OTOGL: variants seen among roughly 807,000 people sequenced by gnomAD.
OTOGL encodes otogelin like, also known as otogelin-like protein.
OTOGL carries 285 observed loss-of-function variants against 318.5 expected under a neutral mutation model. The observed-to-expected ratio is 0.89, with a 90% CI of 0.81 to 0.99. The LOEUF is 0.99. Among genes scored for constraint, OTOGL ranks in the 50% least tolerant of loss-of-function variants. OTOGL has a pLI of 0.00. For missense variants in OTOGL, 2,899 were observed against 2,845.6 expected (o/e 1.02, Z -0.43); for synonymous variants, 987 against 936.5 (o/e 1.05, Z -0.99).
intron 29 of OTOGL, among the ~76,000 whole-genome samples, chr12:80,308,143 G>C (rs1346197396): frequency 4.0e-5 from 6 of 149,042 alleles, no homozygotes; most frequent in East Asian, 2.0e-4. Context: ...CCGGGCGGGG[G>C]GCTGACACCC....
Position 80,256,480 on chromosome 12 carries a change from G to A in OTOGL, c.1711+20G>A. On this transcript the variant is annotated intron_variant, in intron 17 of 58. Coordinates refer to ENST00000547103, the MANE Select transcript of OTOGL (RefSeq NM_001378609.3). ...TGAATGGTAAGAAACAGTGCTAATGGTGTACTTTCTTTACATCAAACAAAC... is the reference window on the plus strand; with the variant it reads ...TGAATGGTAAGAAACAGTGCTAATGATGTACTTTCTTTACATCAAACAAAC... 6.5e-7 allele frequency: 1 copy of A among 1,546,582 alleles called. No individual in the cohort carries two copies. The highest frequency in any genetic ancestry group is 8.7e-7 in the Non-Finnish European group (1 of 1,155,402).
intron 1 of OTOGL, among the ~76,000 whole-genome samples, chr12:80,181,001 T>G (rs1874881523): frequency 6.6e-6 from 1 of 152,136 alleles, no homozygotes; most frequent in African/African-American, 2.4e-5. Context: ...GGCATATGGG[T>G]TTGACCTCTA....
intron 1 of OTOGL, among the ~76,000 whole-genome samples, chr12:80,114,674 G>A (rs1870052335): frequency 6.6e-6 from 1 of 151,992 alleles, no homozygotes; most frequent in South Asian, 2.1e-4. Context: ...TGCTAGGTTG[G>A]GGAAGTTCTC....
intron 44 of OTOGL, chr12:80,343,488 T>TGG: frequency 6.9e-6 from 1 of 145,022 alleles, no homozygotes; most frequent in Non-Finnish European, 1.5e-5. Context: ...ATTTTTTACA[T>TGG]TTTTATTATT....
rs532969765 is a variant in OTOGL, at chr12:80,136,909, G to A, written c.-20+37304G>A. On this transcript the variant is annotated intron_variant, in intron 1 of 58. Coordinates refer to ENST00000547103, the MANE Select transcript of OTOGL (RefSeq NM_001378609.3). ...CTATTAGAATGTAAACTCCACATGG[G>A]TAGAAGTTTTTATCTATTTTGTTTG... is the stretch of plus-strand genomic sequence containing the variant. 4.6e-5 allele frequency among the ~76,000 whole-genome samples: 7 copies of A among 151,898 alleles called. No homozygotes were observed. In the East Asian group the frequency reaches 1.4e-3, roughly 29 times the overall value.
Position 80,211,944 on chromosome 12 carries a change from TC to T in OTOGL, c.120-3del. On this transcript the variant is annotated splice_region_variant and splice_polypyrimidine_tract_variant and intron_variant, in intron 3 of 58. Coordinates refer to ENST00000547103, the MANE Select transcript of OTOGL (RefSeq NM_001378609.3). ...ACTGTACAAGTTCTTTTTGTTTTCTTCCAGAAACGGGTTTAATGAAAATCGA... is the reference window on the plus strand; with the variant it reads ...ACTGTACAAGTTCTTTTTGTTTTCTTCAGAAACGGGTTTAATGAAAATCGA... 6.4e-7 allele frequency: 1 copy of T among 1,562,430 alleles called. No homozygotes were observed. The highest frequency in any genetic ancestry group is 8.6e-7 in the Non-Finnish European group (1 of 1,160,132).
chr12:80,375,897 A>G (rs754402929), intron 57 of OTOGL, among the ~76,000 whole-genome samples: 5 of 152,094 alleles, frequency 3.3e-5, no homozygotes, highest in Non-Finnish European at 5.9e-5. Context: ...ACCATGAGCA[A>G]GAGGTTAGTG....
At chr12:80,355,560 T>C (rs1246502292) in intron 46 of OTOGL, among the ~76,000 whole-genome samples, 176 bp from the exon 47 acceptor site, 1 of 152,098 alleles carries the variant, frequency 6.6e-6, no homozygotes, top group South Asian at 2.1e-4. Flanking sequence ...AGTATAAACT[T>C]TCATTAAAGA....
intron 1 of OTOGL, among the ~76,000 whole-genome samples, chr12:80,176,451 G>A (rs1418378481): frequency 6.6e-6 from 1 of 151,940 alleles, no homozygotes; most frequent in Non-Finnish European, 1.5e-5. Flanking sequence ...TCTACTTTCT[G>A]TGTCTATAGA....
intron 6 of OTOGL, among the ~76,000 whole-genome samples, chr12:80,221,149 C>A (rs558205429): frequency 1.5e-4 from 23 of 151,778 alleles, no homozygotes; most frequent in African/African-American, 5.6e-4. Flanking sequence ...AGAAGATTAT[C>A]TACAAGGGTA....
At chr12:80,260,853 TG>T (rs1882471256) in intron 18 of OTOGL, among the ~76,000 whole-genome samples, 3 of 151,794 alleles carry the variant, frequency 2.0e-5, no homozygotes, top group Non-Finnish European at 2.9e-5. Flanking sequence ...TTCAGAGGAG[TG>T]AAGAGAGAAG....
chr12:80,160,170 TC>T (rs879819345), intron 1 of OTOGL, among the ~76,000 whole-genome samples: 2 of 152,030 alleles, frequency 1.3e-5, no homozygotes, highest in Admixed American at 1.3e-4. Flanking sequence ...GAAAAACCCT[TC>T]TAGACATTGG....
intron 9 of OTOGL, among the ~76,000 whole-genome samples, chr12:80,236,045 A>G (rs1451104): frequency 0.098 from 14,945 of 152,238 alleles, 842 homozygotes; most frequent in Middle Eastern, 0.15. Context: ...GTTTGATTGA[A>G]TGCCAGTGAA....
chr12:80,206,133 G>C (rs1211167343), intron 1 of OTOGL, among the ~76,000 whole-genome samples: 8 of 152,116 alleles, frequency 5.3e-5, no homozygotes, highest in African/African-American at 1.7e-4. Flanking sequence ...CTTTTGTCAG[G>C]GTGGAATGAA....
chr12:80,102,842 C>G, intron 1 of OTOGL: 1 of 698,128 alleles, frequency 1.4e-6, no homozygotes, highest in Non-Finnish European at 2.5e-6. Flanking sequence ...AGTCATAAGG[C>G]TCTTCTTTTT....
chr12:80,218,795 CTTTTTTTT>C, intron 5 of OTOGL, among the ~76,000 whole-genome samples: 1 of 118,218 alleles, frequency 8.5e-6, no homozygotes, highest in South Asian at 2.6e-4. Context: ...CTTTTTCTTT[CTTTTTTTT>C]TTTTTTTTTT....
chr12:80,376,905 A>G (rs891861479), intron 57 of OTOGL, among the ~76,000 whole-genome samples: 2 of 152,114 alleles, frequency 1.3e-5, no homozygotes, highest in African/African-American at 4.8e-5. Flanking sequence ...GTGGAAATCA[A>G]TAAGTGTAAA....
At chr12:80,108,277 A>T (rs1231253912) in intron 1 of OTOGL, among the ~76,000 whole-genome samples, 1 of 152,090 alleles carries the variant, frequency 6.6e-6, no homozygotes, top group African/African-American at 2.4e-5. Context: ...TGAATTTTGC[A>T]GTAATTCTGA....
intron 26 of OTOGL, among the ~76,000 whole-genome samples, chr12:80,291,840 T>C (rs917135863): frequency 6.6e-6 from 1 of 152,196 alleles, no homozygotes; most frequent in African/African-American, 2.4e-5. Flanking sequence ...ACAAATGATT[T>C]TTAAATTCTG....
Sources: allele counts gnomAD v4.1 joint callset (sites outside exome capture counted in the v4.1 genomes callset), GRCh38; gene constraint gnomAD v4.1.1; transcripts MANE v1.5; gene names NCBI Gene and HGNC (gene_info 2026-07-23, HGNC 2026-07-21).